DGKK: variants seen among roughly 807,000 people sequenced by gnomAD.
DGKK encodes the protein 142 kDa diacylglycerol kinase.
In DGKK, 35 loss-of-function variants were observed where a neutral mutation model predicts 92.2. The observed-to-expected ratio is 0.38, with a 90% CI of 0.29 to 0.50. The LOEUF is 0.50. DGKK is among the 20% of genes least tolerant of loss of function. DGKK has a pLI of 0.92. For missense variants in DGKK, 910 were observed against 992.2 expected, an observed-to-expected ratio of 0.92 and a Z score of 1.11; for synonymous variants, 368 against 360.6, an observed-to-expected ratio of 1.02 and a Z score of -0.23.
At chrX:50,429,190 C>T (rs782497287) in intron 1 of DGKK, among the ~76,000 whole-genome samples, 3 of 111,547 alleles carry the variant, frequency 2.7e-5, no homozygotes, top group Non-Finnish European at 5.6e-5. Flanking sequence ...GACTTCCAGA[C>T]AGTAAATCTG....
At chrX:50,388,195 C>T (rs1557225170) in intron 13 of DGKK, among the ~76,000 whole-genome samples, 16 of 111,907 alleles carry the variant, frequency 1.4e-4, no homozygotes. Flanking sequence ...ATTGCAGAGA[C>T]CTTTCTTAAT....
At chrX:50,377,464 G>C (rs1188586532) in intron 22 of DGKK, among the ~76,000 whole-genome samples, 1 of 112,387 alleles carries the variant, frequency 8.9e-6, no homozygotes, top group African/African-American at 3.2e-5. Flanking sequence ...ACCTACATGA[G>C]AGAAATGTAA....
At chrX:50,448,253 T>C (rs1926415524) in intron 1 of DGKK, among the ~76,000 whole-genome samples, 2 of 110,605 alleles carry the variant, frequency 1.8e-5, no homozygotes, top group Non-Finnish European at 3.8e-5. Context: ...TACCATTTCC[T>C]GGATCCCAAA....
At chrX:50,414,904 G>T (rs1469930446) in intron 4 of DGKK, among the ~76,000 whole-genome samples, 2 of 111,794 alleles carry the variant, frequency 1.8e-5, no homozygotes, top group Non-Finnish European at 3.8e-5. Context: ...GACCCTACAG[G>T]ACTGGACCAT....
intron 12 of DGKK, among the ~76,000 whole-genome samples, chrX:50,389,451 T>G (rs1924629404): frequency 8.9e-6 from 1 of 111,984 alleles, no homozygotes; most frequent in Non-Finnish European, 1.9e-5. Flanking sequence ...ACCATGGCAC[T>G]CCTCTACTTA....
chrX:50,447,220 A>C (rs1379975507), intron 1 of DGKK, among the ~76,000 whole-genome samples: 3 of 91,010 alleles, frequency 3.3e-5, no homozygotes, highest in Non-Finnish European at 6.5e-5. Flanking sequence ...ATATTTATAT[A>C]AATCTGTCTT....
Position 50,387,598 on chromosome X carries a change from G to C in DGKK, c.2074C>G (p.Gln692Glu), listed in dbSNP as rs781926739. 10 of 1,207,356 alleles carry C rather than the reference G, an allele frequency of 8.3e-6. No individual in the cohort carries two copies. The Admixed American group carries it at 2.0e-4, about 24-fold the overall frequency. ...FVVDIVKAWG[Q>E]IKQNNTAIVS... ...ATTGCAGTGTTGTTCTGTTTTATCT[G>C]ACCCCAGGCCTTTACAATATCAACC... Residue 692 changes from glutamine to glutamate, a missense_variant, in exon 14 of 28, where the codon CAG becomes GAG. By Grantham distance (29) the Gln-to-Glu change is conservative (BLOSUM62 2). Coordinates refer to ENST00000611977, the MANE Select transcript of DGKK (RefSeq NM_001013742.4).
chrX:50,397,228 G>A (rs1311483574), intron 8 of DGKK, among the ~76,000 whole-genome samples: 2 of 111,956 alleles, frequency 1.8e-5, no homozygotes, highest in East Asian at 5.6e-4. Context: ...TCTTTGAGCT[G>A]CATTAATATA....
intron 7 of DGKK, 21 bp from the exon 8 acceptor site, chrX:50,401,160 C>A (rs1557226595): frequency 8.7e-7 from 1 of 1,150,063 alleles, no homozygotes; most frequent in Admixed American, 2.5e-5. Flanking sequence ...AAGAGAAGAG[C>A]AGAGAAAAAA....
chrX:50,388,111 A>C (rs1384551883), intron 13 of DGKK, among the ~76,000 whole-genome samples: 2 of 112,169 alleles, frequency 1.8e-5, no homozygotes, highest in Non-Finnish European at 3.8e-5. Flanking sequence ...GAAGTCCCAG[A>C]AGAAACAAAT....
chrX:50,387,427 G>C, intron 14 of DGKK, 127 bp downstream of exon 14: 1 of 518,998 alleles, frequency 1.9e-6, no homozygotes, highest in South Asian at 2.9e-5. Flanking sequence ...CCTCATCAGG[G>C]AGGCTTAACA....
chrX:50,462,077 G>C (rs146279151), intron 1 of DGKK, among the ~76,000 whole-genome samples: 129 of 111,803 alleles, frequency 1.2e-3, no homozygotes, highest in African/African-American at 4.1e-3. Context: ...TGTAGTGTTA[G>C]ATGGGAACAA....
At chrX:50,408,503 C>G (rs1925220911) in intron 4 of DGKK, among the ~76,000 whole-genome samples, 1 of 111,269 alleles carries the variant, frequency 9.0e-6, no homozygotes. Flanking sequence ...CTCAGCCTCC[C>G]TAGTAGCTGG....
chrX:50,443,954 C>T (rs1190230565), intron 1 of DGKK, among the ~76,000 whole-genome samples: 1 of 111,127 alleles, frequency 9.0e-6, no homozygotes, highest in Non-Finnish European at 1.9e-5. Flanking sequence ...TGAAATCATT[C>T]AGTCTGTACC....
intron 1 of DGKK, 137 bp downstream of exon 1, chrX:50,469,897 C>T: frequency 9.8e-7 from 1 of 1,019,128 alleles, no homozygotes; most frequent in East Asian, 3.6e-5. Flanking sequence ...GGTTCCCCAT[C>T]CCTGCATCTT....
chrX:50,383,051 C>T (rs1557224606), intron 17 of DGKK, among the ~76,000 whole-genome samples: 1 of 111,903 alleles, frequency 8.9e-6, no homozygotes, highest in Non-Finnish European at 1.9e-5. Context: ...AATGACCACA[C>T]ATTTGGAAGG....
chrX:50,419,352 G>C (rs1037005920), intron 4 of DGKK, among the ~76,000 whole-genome samples: 1 of 111,387 alleles, frequency 9.0e-6, no homozygotes, highest in Non-Finnish European at 1.9e-5. Flanking sequence ...AGAAGTCCTC[G>C]GGGAGTAGGG....
chrX:50,427,639 G>T (rs1925779444), intron 1 of DGKK, among the ~76,000 whole-genome samples: 1 of 106,138 alleles, frequency 9.4e-6, no homozygotes, highest in Non-Finnish European at 1.9e-5. Flanking sequence ...GGTCAGTTTA[G>T]TAGCCCCAAG....
chrX:50,421,433 T>A (rs1206743996), intron 3 of DGKK, among the ~76,000 whole-genome samples: 2 of 112,036 alleles, frequency 1.8e-5, no homozygotes, highest in African/African-American at 6.5e-5. Context: ...TAGGAGCTAG[T>A]TGGGATTGTG....
Sources: allele counts gnomAD v4.1 joint callset (sites outside exome capture counted in the v4.1 genomes callset), GRCh38; gene constraint gnomAD v4.1.1; transcripts MANE v1.5; gene names NCBI Gene and HGNC (gene_info 2026-07-23, HGNC 2026-07-21).